CDK14: variants seen among roughly 807,000 people sequenced by gnomAD.
CDK14 encodes cyclin dependent kinase 14.
Under a neutral mutation model 60.7 loss-of-function variants are expected in CDK14, and 34 were observed. The observed-to-expected ratio is 0.56, with a 90% confidence interval of 0.43 to 0.75. The LOEUF (loss-of-function observed/expected upper bound fraction) is 0.75. CDK14 is among the 30% of genes least tolerant of loss of function. The probability of loss-of-function intolerance (pLI) is 0.00; values close to 1 mark genes in which losing one functional copy is unlikely to be tolerated. For missense variants in CDK14, 482 were observed against 564.1 expected (o/e 0.85, Z 1.47); for synonymous variants, 197 against 203.7 (o/e 0.97, Z 0.28).
In CDK14 at chr7:90,709,394, A is replaced by G. The variant is rs939305226; in HGVS notation, c.124-17173A>G. On this transcript the variant is annotated intron_variant, in intron 2 of 14. Coordinates refer to ENST00000380050, the MANE Select transcript of CDK14 (RefSeq NM_001287135.2). ...TTAAAAAATTGAATTGAGCATGATG[A>G]GGTGCATCCCCTTGATTAAATGTTT... The G allele has an allele frequency of 2.4e-5, 33 of 1,384,588 alleles. No homozygotes were observed. In the Middle Eastern group the frequency reaches 5.6e-4, roughly 24 times the overall value. The allele number at this position is 1,384,588 out of a possible 1,614,324, so 85.8% of individuals were successfully genotyped here.
At chr7:90,817,731 T>C (rs1372105019) in intron 5 of CDK14, among the ~76,000 whole-genome samples, 2 of 152,190 alleles carry the variant, frequency 1.3e-5, no homozygotes, top group African/African-American at 2.4e-5. Context: ...GTTGTCTCTG[T>C]TGTTACTTTC....
chr7:91,055,547 C>G (rs1797522437), intron 11 of CDK14, among the ~76,000 whole-genome samples: 2 of 152,220 alleles, frequency 1.3e-5, no homozygotes, highest in Non-Finnish European at 2.9e-5. Flanking sequence ...TTTTAAAAAT[C>G]CCAAATAAAC....
chr7:91,040,553 A>C (rs907186921), intron 10 of CDK14, among the ~76,000 whole-genome samples: 1 of 152,232 alleles, frequency 6.6e-6, no homozygotes, highest in Admixed American at 6.5e-5. Flanking sequence ...CTTAGAATCC[A>C]CAGCTGAGTC....
intron 12 of CDK14, among the ~76,000 whole-genome samples, chr7:91,108,156 A>C (rs1799361978): frequency 6.6e-6 from 1 of 152,172 alleles, no homozygotes; most frequent in Non-Finnish European, 1.5e-5. Context: ...AAAAATACAA[A>C]AATTAGCCAG....
chr7:91,197,394 T>A (rs2115974372), intron 14 of CDK14, among the ~76,000 whole-genome samples: 1 of 123,304 alleles, frequency 8.1e-6, no homozygotes, highest in African/African-American at 2.8e-5. Flanking sequence ...AGTGAGAGAC[T>A]CTGTCTCAAA....
intron 2 of CDK14, among the ~76,000 whole-genome samples, chr7:90,669,176 G>A (rs1182306514): frequency 1.3e-5 from 2 of 152,116 alleles, no homozygotes; most frequent in African/African-American, 4.8e-5. Flanking sequence ...GAATCTGTTT[G>A]CGTAGTAGGT....
intron 5 of CDK14, among the ~76,000 whole-genome samples, chr7:90,805,666 ATGG>A (rs1788797579): frequency 6.6e-6 from 1 of 152,154 alleles, no homozygotes; most frequent in Non-Finnish European, 1.5e-5. Flanking sequence ...TACCTTGTTT[ATGG>A]ATTGAAGATC....
At chr7:90,696,492 C>A (rs1801662764) in intron 2 of CDK14, among the ~76,000 whole-genome samples, 1 of 151,982 alleles carries the variant, frequency 6.6e-6, no homozygotes, top group East Asian at 1.9e-4. Flanking sequence ...AGGCATGCAC[C>A]ACCATGCCTG....
intron 14 of CDK14, among the ~76,000 whole-genome samples, chr7:91,141,301 T>C (rs1800449735): frequency 6.6e-6 from 1 of 152,204 alleles, no homozygotes; most frequent in Admixed American, 6.5e-5. Flanking sequence ...TAAAATTGTC[T>C]CCACTTTCTC....
chr7:90,992,696 A>G (rs911837904), intron 10 of CDK14, among the ~76,000 whole-genome samples: 2 of 152,174 alleles, frequency 1.3e-5, no homozygotes, highest in African/African-American at 4.8e-5. Flanking sequence ...GGGAGTAGCA[A>G]CTTGGGTGGG....
intron 4 of CDK14, among the ~76,000 whole-genome samples, chr7:90,768,907 A>G (rs1804674485): frequency 6.6e-6 from 1 of 152,248 alleles, no homozygotes; most frequent in South Asian, 2.1e-4. Context: ...TGGACACAGG[A>G]CATTACTTTT....
chr7:91,021,636 C>G (rs1796437393), intron 10 of CDK14, among the ~76,000 whole-genome samples: 1 of 152,156 alleles, frequency 6.6e-6, no homozygotes, highest in African/African-American at 2.4e-5. Flanking sequence ...TTTTGCATTA[C>G]AAAGAAGCAA....
At chr7:91,077,513 G>A (rs989018180) in intron 11 of CDK14, among the ~76,000 whole-genome samples, 1 of 152,060 alleles carries the variant, frequency 6.6e-6, no homozygotes. Flanking sequence ...GCGAGGGGAG[G>A]GAGAGCATCA....
chr7:90,885,556 C>T (rs2117299961), intron 6 of CDK14, among the ~76,000 whole-genome samples: 1 of 152,244 alleles, frequency 6.6e-6, no homozygotes, highest in East Asian at 1.9e-4. Flanking sequence ...TCAGCAATCC[C>T]ATTATAGGGT....
At chr7:90,907,753 A>T (rs1562822950) in intron 7 of CDK14, among the ~76,000 whole-genome samples, 4 of 152,080 alleles carry the variant, frequency 2.6e-5, no homozygotes, top group African/African-American at 7.2e-5. Context: ...AAAGGATAGG[A>T]GGTTTATTAT....
At chr7:90,996,455 A>T (rs953845138) in intron 10 of CDK14, among the ~76,000 whole-genome samples, 1 of 152,212 alleles carries the variant, frequency 6.6e-6, no homozygotes, top group African/African-American at 2.4e-5. Flanking sequence ...ATGTCTCACT[A>T]TTACATAACT....
chr7:91,006,721 C>T (rs930536562), intron 10 of CDK14, among the ~76,000 whole-genome samples: 1 of 152,174 alleles, frequency 6.6e-6, no homozygotes, highest in Non-Finnish European at 1.5e-5. Context: ...TTCTTTTATG[C>T]CCATGCAATC....
At chr7:91,042,478 G>T (rs1027391098) in intron 10 of CDK14, among the ~76,000 whole-genome samples, 8 of 152,124 alleles carry the variant, frequency 5.3e-5, no homozygotes, top group Admixed American at 1.3e-4. Flanking sequence ...ACTAGACCAG[G>T]AGCACTTCAA....
intron 5 of CDK14, among the ~76,000 whole-genome samples, chr7:90,830,006 T>C (rs1015510969): frequency 3.3e-5 from 5 of 152,214 alleles, no homozygotes; most frequent in African/African-American, 1.2e-4. Context: ...CTGTGGCTTT[T>C]CCAGGCCTTT....
Sources: gnomAD v4.1 joint callset for allele counts (sites outside exome capture counted in the v4.1 genomes callset) on GRCh38, gnomAD v4.1.1 for gene constraint, MANE v1.5 for transcripts, NCBI Gene and HGNC (gene_info 2026-07-23, HGNC 2026-07-21) for gene names.